Variants in CCDC3 observed in about 807,000 individuals in gnomAD.
CCDC3 encodes coiled-coil domain containing 3, also known as coiled-coil domain-containing protein 3.
Under a neutral mutation model 21.4 loss-of-function variants are expected in CCDC3, and 24 were observed. The observed-to-expected ratio is 1.12, with a 90% CI of 0.81 to 1.58. CCDC3 has a LOEUF of 1.58. CCDC3 is among the 40% of genes most tolerant of loss of function. CCDC3 has a pLI of 0.00. For synonymous variants in CCDC3, 186 were observed against 166.0 expected, an observed-to-expected ratio of 1.12 and a Z score of -0.93; for missense variants, 425 against 360.9, an observed-to-expected ratio of 1.18 and a Z score of -1.44.
At chr10:12,973,046 G>T in intron 2 of CCDC3, among the ~76,000 whole-genome samples, 1 of 152,096 alleles carries the variant, frequency 6.6e-6, no homozygotes. Context: ...ACTGTTGTAA[G>T]GAATAGAAAA....
At chr10:12,974,625 C>T (rs908134366) in intron 2 of CCDC3, among the ~76,000 whole-genome samples, 1 of 152,160 alleles carries the variant, frequency 6.6e-6, no homozygotes, top group South Asian at 2.1e-4. Flanking sequence ...TGACTGAATT[C>T]AAGTTCTGAG....
At chr10:12,899,384 G>A (rs1588995541) in intron 2 of CCDC3, among the ~76,000 whole-genome samples, 1 of 152,274 alleles carries the variant, frequency 6.6e-6, no homozygotes, top group East Asian at 1.9e-4. Flanking sequence ...TCAGTAGAGT[G>A]TTGACATCTA....
chr10:12,922,143 C>T (rs1233773369), intron 2 of CCDC3, among the ~76,000 whole-genome samples: 1 of 152,108 alleles, frequency 6.6e-6, no homozygotes, highest in Non-Finnish European at 1.5e-5. Flanking sequence ...TTCCTCTTAT[C>T]ATCTGTTCAG....
chr10:12,973,721 C>G (rs190901112), intron 2 of CCDC3, among the ~76,000 whole-genome samples: 1 of 151,658 alleles, frequency 6.6e-6, no homozygotes, highest in East Asian at 1.9e-4. Flanking sequence ...CTTACTTGGG[C>G]TTCCAGGTAA....
chr10:13,041,520 T>A (rs1368571053), intron 5 of CCDC3, among the ~76,000 whole-genome samples: 1 of 72,514 alleles, frequency 1.4e-5, no homozygotes, highest in Non-Finnish European at 3.2e-5. Context: ...TTTTTTTTTT[T>A]TTTTTTTTTT....
chr10:12,997,904 C>T (rs779028954), intron 2 of CCDC3, among the ~76,000 whole-genome samples: 3 of 152,070 alleles, frequency 2.0e-5, no homozygotes, highest in East Asian at 1.9e-4. Context: ...CTAACACTAA[C>T]GATAGCTGAT....
chr10:13,095,196 C>T (rs1004155629), intron 3 of CCDC3, among the ~76,000 whole-genome samples: 7 of 152,180 alleles, frequency 4.6e-5, no homozygotes, highest in Admixed American at 6.5e-5. Flanking sequence ...TATCATAACT[C>T]TCTGTTTAAC....
chr10:13,046,354 C>T (rs561577592), intron 5 of CCDC3, among the ~76,000 whole-genome samples: 7 of 150,884 alleles, frequency 4.6e-5, no homozygotes, highest in East Asian at 2.0e-4. Context: ...TGCAGTGAGC[C>T]GTGATCGCGT....
intron 2 of CCDC3, among the ~76,000 whole-genome samples, chr10:12,961,119 G>T (rs1835173090): frequency 6.6e-6 from 1 of 152,308 alleles, no homozygotes; most frequent in South Asian, 2.1e-4. Flanking sequence ...TCTCTGTGCA[G>T]TGCTGCGTGA....
chr10:13,047,370 G>A (rs1180015413), intron 5 of CCDC3, among the ~76,000 whole-genome samples: 1 of 152,098 alleles, frequency 6.6e-6, no homozygotes, highest in Non-Finnish European at 1.5e-5. Context: ...ATCTCCGGGT[G>A]GCTCTCTCCA....
intron 4 of CCDC3, among the ~76,000 whole-genome samples, chr10:13,052,987 TACACACAC>T: frequency 1.7e-5 from 1 of 59,362 alleles, no homozygotes; most frequent in Non-Finnish European, 3.5e-5. Context: ...CACACACACA[TACACACAC>T]ACACCTAGAA....
intron 2 of CCDC3, among the ~76,000 whole-genome samples, chr10:12,900,896 C>A (rs1834082642): frequency 6.6e-6 from 1 of 152,060 alleles, no homozygotes; most frequent in African/African-American, 2.4e-5. Context: ...GAACCCACTT[C>A]AGTACTAAAG....
At chr10:12,920,588 A>G (rs188201213) in intron 2 of CCDC3, among the ~76,000 whole-genome samples, 1 of 152,338 alleles carries the variant, frequency 6.6e-6, no homozygotes, top group East Asian at 1.9e-4. Flanking sequence ...CGCAAAAGTA[A>G]TCGTGGTTTT....
chr10:12,937,726 T>C (rs1046934584), intron 2 of CCDC3, among the ~76,000 whole-genome samples: 1 of 152,232 alleles, frequency 6.6e-6, no homozygotes, highest in Non-Finnish European at 1.5e-5. Flanking sequence ...AGCTCATTCA[T>C]AGCTTGCAGG....
intron 5 of CCDC3, among the ~76,000 whole-genome samples, chr10:13,014,469 A>AG (rs568045332): frequency 1.6e-4 from 8 of 49,188 alleles, no homozygotes; most frequent in Non-Finnish European, 3.8e-4. Flanking sequence ...AAAAAAAAAA[A>AG]AGAAAAAAAA....
intron 3 of CCDC3, among the ~76,000 whole-genome samples, chr10:13,075,124 T>C (rs1275641875): frequency 6.6e-6 from 1 of 152,236 alleles, no homozygotes; most frequent in East Asian, 1.9e-4. Context: ...AACGAGGCTT[T>C]ACATCCCTTT....
At chr10:13,067,661 G>A (rs139714434) in intron 4 of CCDC3, among the ~76,000 whole-genome samples, 75 of 152,252 alleles carry the variant, frequency 4.9e-4, no homozygotes, top group African/African-American at 1.6e-3. Context: ...TTCAATCCTG[G>A]CTTAGGGAAT....
intron 4 of CCDC3, chr10:13,058,754 A>G (rs1426641711): frequency 4.5e-6 from 1 of 223,416 alleles, no homozygotes; most frequent in African/African-American, 2.3e-5. Context: ...AAAAGTAAAT[A>G]TGTATGAATT....
intron 2 of CCDC3, among the ~76,000 whole-genome samples, chr10:12,977,218 T>C (rs1835430193): frequency 6.6e-6 from 1 of 151,636 alleles, no homozygotes; most frequent in Non-Finnish European, 1.5e-5. Flanking sequence ...GAGGTTGCTG[T>C]GAGCTGAAGT....
Sources: allele counts gnomAD v4.1 joint callset (sites outside exome capture counted in the v4.1 genomes callset), GRCh38; gene constraint gnomAD v4.1.1; transcripts MANE v1.5; gene names NCBI Gene and HGNC (gene_info 2026-07-23, HGNC 2026-07-21).